OPTN: variants seen among roughly 807,000 people sequenced by gnomAD.
The protein encoded by OPTN is E3-14.7K-interacting protein.
In OPTN, 54 loss-of-function variants were observed where a neutral mutation model predicts 70.4. The ratio of observed to expected loss-of-function variants is 0.77; its 90% CI spans 0.62 to 0.96. OPTN has a LOEUF of 0.96. Among genes scored for constraint, OPTN ranks in the 40% least tolerant of loss-of-function variants. The pLI is 0.00. For missense variants in OPTN, 624 were observed against 673.2 expected, an observed-to-expected ratio of 0.93 and a Z score of 0.81; for synonymous variants, 256 against 248.5, an observed-to-expected ratio of 1.03 and a Z score of -0.28.
At chr10:13,116,552 C>G in intron 6 of OPTN, 1 of 619,258 alleles carries the variant, frequency 1.6e-6, no homozygotes, top group Non-Finnish European at 2.9e-6. Context: ...GTTTGGCTCA[C>G]ACTGACTGCT....
At chr10:13,115,252 T>TAG (rs371236630) in intron 5 of OPTN, among the ~76,000 whole-genome samples, 9 of 5,268 alleles carry the variant, frequency 1.7e-3, no homozygotes, top group African/African-American at 3.8e-3. Flanking sequence ...TATATCTATA[T>TAG]TTATATCTAT....
intron 11 of OPTN, among the ~76,000 whole-genome samples, chr10:13,126,867 A>ATT (rs1261671260): frequency 6.6e-6 from 1 of 152,108 alleles, no homozygotes; most frequent in African/African-American, 2.4e-5. Flanking sequence ...CTCTACAAAA[A>ATT]ATAAAGAGTT....
intron 14 of OPTN, among the ~76,000 whole-genome samples, chr10:13,136,505 CAAAAAAA>C (rs71386161): frequency 1.6e-4 from 12 of 72,864 alleles, no homozygotes; most frequent in African/African-American, 4.3e-4. Context: ...GACTCCGTCT[CAAAAAAA>C]AAAAAAAAAA....
In OPTN at chr10:13,119,019, C is replaced by T. The variant is rs1448274476; in HGVS notation, c.758C>T (p.Ala253Val). ...CAGAAGGTGGAGAGACTTGAAGTTG[C>T]ACTCAAGGAGGCCAAAGAAAGGTAT... ...GNQKVERLEVALKEAKERVSD... is the reference protein window; with the variant it reads ...GNQKVERLEVVLKEAKERVSD... The change falls in exon 7 of 15, where the codon GCA (alanine) becomes GTA (valine). Residue 253 changes from alanine (A) to valine (V), a missense_variant. By Grantham distance (64) the Ala-to-Val change is moderately conservative (BLOSUM62 0). Coordinates refer to ENST00000378747, the MANE Select transcript of OPTN (RefSeq NM_001008212.2). 2.5e-6 allele frequency: 4 copies of T among 1,614,098 alleles called. No homozygotes were observed.
rs769191871 is a variant in OPTN at position 13,116,269 on chromosome 10, A to C, written c.555A>C (p.Glu185Asp). The change falls in exon 6 of 15, where the codon GAA becomes GAC. Residue 185 changes from glutamate (E) to aspartate (D), a missense_variant and splice_region_variant. By Grantham distance (45) the Glu-to-Asp change is conservative (BLOSUM62 2). Transcript: ENST00000378747. Reference sequence around the variant, plus strand: ...CCCTTGCATTTCTGTTTTCACAGGAAGGAGAAGCAGAAGGGTCAGTAAAAG... The same window carrying C: ...CCCTTGCATTTCTGTTTTCACAGGACGGAGAAGCAGAAGGGTCAGTAAAAG... ...EDSFVEIRMA[E>D]GEAEGSVKEI... 1 of 1,601,726 alleles carries C rather than the reference A, an allele frequency of 6.2e-7. No homozygotes were observed. The highest frequency in any genetic ancestry group is 8.6e-7 in the Non-Finnish European group (1 of 1,168,926).
At chr10:13,106,340 T>C (rs979081881) in intron 1 of OPTN, among the ~76,000 whole-genome samples, 16 of 152,316 alleles carry the variant, frequency 1.1e-4, no homozygotes, top group African/African-American at 3.8e-4. Flanking sequence ...AAACTGATGG[T>C]CTATTCAGAT....
At chr10:13,135,534 C>T (rs1414216488) in intron 14 of OPTN, among the ~76,000 whole-genome samples, 2 of 151,924 alleles carry the variant, frequency 1.3e-5, no homozygotes, top group African/African-American at 4.8e-5. Context: ...GCACCTAACA[C>T]TCACCTGGCC....
At chr10:13,106,947 C>T (rs1321258720) in intron 1 of OPTN, among the ~76,000 whole-genome samples, 1 of 152,150 alleles carries the variant, frequency 6.6e-6, no homozygotes, top group Non-Finnish European at 1.5e-5. Flanking sequence ...GTGCCTTTCC[C>T]CCGTTAGAAA....
At chr10:13,136,105 G>A (rs1286870012) in intron 14 of OPTN, among the ~76,000 whole-genome samples, 1 of 151,888 alleles carries the variant, frequency 6.6e-6, no homozygotes, top group African/African-American at 2.4e-5. Flanking sequence ...GAGGGTCACT[G>A]GATCCCAGGA....
At chr10:13,105,167 T>C (rs1412284028) in intron 1 of OPTN, among the ~76,000 whole-genome samples, 1 of 152,210 alleles carries the variant, frequency 6.6e-6, no homozygotes, top group Non-Finnish European at 1.5e-5. Context: ...CCGTTTATGC[T>C]AACTTCTTAT....
At chr10:13,105,014 G>C (rs1832835443) in intron 1 of OPTN, among the ~76,000 whole-genome samples, 1 of 151,970 alleles carries the variant, frequency 6.6e-6, no homozygotes, top group African/African-American at 2.4e-5. Flanking sequence ...TGGCTGGGCT[G>C]ATCTCAAACT....
In OPTN at chr10:13,116,344, T is replaced by C. The variant is rs1564360523; in HGVS notation, c.626+4T>C. 9.3e-6 allele frequency: 15 copies of C among 1,611,066 alleles called. No individual in the cohort carries two copies. Among genetic ancestry groups the C allele is most frequent in the Admixed American group, 1.7e-5 (1 of 60,008 alleles). ...CGAGAACAGTCTCCACTGGCACGTA[T>C]GTGAAGGAAGACTCGGGCTGTCAGG... On this transcript the variant is annotated splice_donor_region_variant and intron_variant, in intron 6 of 14. Transcript: ENST00000378747.
chr10:13,116,530 T>C (rs1833213267), intron 6 of OPTN, 190 bp downstream of exon 6: 7 of 652,966 alleles, frequency 1.1e-5, no homozygotes, highest in Non-Finnish European at 1.7e-5. Context: ...GATTAAAAAC[T>C]GTTTGGTTCC....
chr10:13,128,343 A>G (rs1029341502), intron 12 of OPTN, among the ~76,000 whole-genome samples: 3 of 152,020 alleles, frequency 2.0e-5, no homozygotes, highest in Non-Finnish European at 4.4e-5. Flanking sequence ...TCTTACCAAC[A>G]CTTCTATTAT....
intron 10 of OPTN, 34 bp from the exon 11 acceptor site, chr10:13,125,912 C>T: frequency 6.8e-7 from 1 of 1,464,824 alleles, no homozygotes; most frequent in Non-Finnish European, 9.6e-7. Flanking sequence ...GATATTTTCC[C>T]CAGGATTCCA....
At chr10:13,128,152 T>G (rs1406218555) in intron 12 of OPTN, among the ~76,000 whole-genome samples, 1 of 152,238 alleles carries the variant, frequency 6.6e-6, no homozygotes, top group Non-Finnish European at 1.5e-5. Context: ...GACATTCCTG[T>G]GCATGTTGCT....
chr10:13,115,504 G>C (rs1260286336), intron 5 of OPTN, among the ~76,000 whole-genome samples: 2 of 94,906 alleles, frequency 2.1e-5, no homozygotes, highest in East Asian at 6.2e-4. Context: ...ATATAATATA[G>C]AATATATATA....
chr10:13,121,118 A>G (rs1833339475), intron 7 of OPTN, among the ~76,000 whole-genome samples: 1 of 151,908 alleles, frequency 6.6e-6, no homozygotes, highest in Admixed American at 6.6e-5. Flanking sequence ...TTACAATTCA[A>G]GATGAGATCT....
Position 13,118,923 on chromosome 10 carries a change from G to A in OPTN, c.662G>A (p.Gly221Glu). The A allele has an allele frequency of 6.2e-7, 1 of 1,614,076 alleles. No homozygotes were observed. Among genetic ancestry groups the A allele is most frequent in the Non-Finnish European group, 8.5e-7 (1 of 1,179,954 alleles). ...AAATATAGGAGCAGATCTGCAGATG[G>A]GGCCAAGAATTACTTCGAACATGAG... ...LSKYRSRSAD[G>E]AKNYFEHEEL... Residue 221 changes from glycine to glutamate, a missense_variant, in exon 7 of 15, where the codon GGG becomes GAG. Coordinates refer to ENST00000378747, the MANE Select transcript of OPTN (RefSeq NM_001008212.2).
Sources: allele counts gnomAD v4.1 joint callset (sites outside exome capture counted in the v4.1 genomes callset), GRCh38; gene constraint gnomAD v4.1.1; transcripts MANE v1.5; gene names NCBI Gene and HGNC (gene_info 2026-07-23, HGNC 2026-07-21).